The following ZBTB7C variants were observed in gnomAD, a reference collection of about 807,000 sequenced individuals.
ZBTB7C encodes the protein zinc finger and BTB domain-containing protein 7C.
ZBTB7C carries 8 observed loss-of-function variants against 25.7 expected under a neutral mutation model. The ratio of observed to expected loss-of-function variants is 0.31; its 90% CI spans 0.18 to 0.56. The LOEUF is 0.56. ZBTB7C is among the 20% of genes least tolerant of loss of function. ZBTB7C has a pLI of 0.91. For synonymous variants in ZBTB7C, 394 were observed against 369.0 expected, an observed-to-expected ratio of 1.07 and a Z score of -0.78; for missense variants, 824 against 855.2, an observed-to-expected ratio of 0.96 and a Z score of 0.46.
At chr18:48,319,537 A>G (rs913777664) in intron 2 of ZBTB7C, among the ~76,000 whole-genome samples, 5 of 152,252 alleles carry the variant, frequency 3.3e-5, no homozygotes, top group African/African-American at 1.2e-4. Flanking sequence ...AGCATGGCAC[A>G]TGCAATGGTG....
rs79198519 is a variant in ZBTB7C at position 48,125,861 on chromosome 18, G to A, written c.-17+60073C>T. 3.0e-4 allele frequency among the ~76,000 whole-genome samples: 46 copies of A among 152,286 alleles called. 1 individual carries two copies. In the East Asian group the frequency reaches 6.2e-3, roughly 20 times the overall value. ...TGGCTGCACTGAGGTCGCTAGCCAC[G>A]CATTCTAAGAATGCAAGATATCATC... is the stretch of plus-strand genomic sequence containing the variant. On this transcript the variant is annotated intron_variant, in intron 3 of 4. Transcript: ENST00000590800.
chr18:48,230,464 T>C (rs1375122720), intron 2 of ZBTB7C, among the ~76,000 whole-genome samples: 9 of 152,162 alleles, frequency 5.9e-5, no homozygotes, highest in African/African-American at 2.2e-4. Context: ...ATAAAGCCAC[T>C]GAACTAAAAT....
At chr18:48,324,759 C>A (rs1357555634) in intron 2 of ZBTB7C, among the ~76,000 whole-genome samples, 5 of 152,144 alleles carry the variant, frequency 3.3e-5, no homozygotes, top group African/African-American at 1.2e-4. Context: ...CAGAGCAATT[C>A]CTGTGTGCTG....
In ZBTB7C at chr18:48,316,071, C is replaced by A. The variant is rs1435322857; in HGVS notation, c.-79+22103G>T. The stretch of plus-strand genomic sequence containing the variant: ...TCTCCCACCCACTCTCCCACCCAGA[C>A]CCTGCCTCACACCATCAACCACCTG... On this transcript the variant is annotated intron_variant, in intron 2 of 4. Coordinates refer to ENST00000590800, the MANE Select transcript of ZBTB7C (RefSeq NM_001318841.2). Among the ~76,000 whole-genome samples, 4 of 152,314 alleles carry A rather than the reference C, an allele frequency of 2.6e-5. No homozygotes were observed. The East Asian group carries it at 7.7e-4, about 29-fold the overall frequency.
intron 2 of ZBTB7C, among the ~76,000 whole-genome samples, chr18:48,223,074 G>A (rs1357650914): frequency 6.6e-6 from 1 of 152,134 alleles, no homozygotes; most frequent in Non-Finnish European, 1.5e-5. Context: ...TTAACAGCAC[G>A]ATTTCAGCCC....
chr18:48,333,212 G>A (rs2046380771), intron 2 of ZBTB7C, among the ~76,000 whole-genome samples: 2 of 152,168 alleles, frequency 1.3e-5, no homozygotes, highest in Admixed American at 6.5e-5. Context: ...TCAGTCAAGG[G>A]CAATGTAGCT....
intron 1 of ZBTB7C, among the ~76,000 whole-genome samples, chr18:48,359,603 C>T (rs2047056748): frequency 6.6e-6 from 1 of 152,208 alleles, no homozygotes; most frequent in Non-Finnish European, 1.5e-5. Flanking sequence ...CAGAGAAGGC[C>T]TGCCCTGCAA....
chr18:48,225,108 T>C (rs754585491), intron 2 of ZBTB7C, among the ~76,000 whole-genome samples: 3 of 152,196 alleles, frequency 2.0e-5, no homozygotes, highest in Non-Finnish European at 4.4e-5. Flanking sequence ...ATGTCTTTGC[T>C]CTATAAAACA....
At chr18:48,144,519 T>A (rs1011728273) in intron 3 of ZBTB7C, among the ~76,000 whole-genome samples, 1 of 151,886 alleles carries the variant, frequency 6.6e-6, no homozygotes, top group African/African-American at 2.4e-5. Flanking sequence ...AATTTTTGTA[T>A]TTTTTTGGTA....
chr18:48,245,034 G>A (rs907147340), intron 2 of ZBTB7C, among the ~76,000 whole-genome samples: 13 of 147,074 alleles, frequency 8.8e-5, no homozygotes, highest in South Asian at 4.3e-4. Context: ...GCAAAAATAC[G>A]GAACCAACCC....
rs936349762 is a variant in ZBTB7C, at chr18:48,027,237, C to T, written c.*2023G>A. ...TTTTACAATGTACAATTCCAAACTG[C>T]AGCCAAGAAAAAACAGAAAGAACTA... On this transcript the variant is annotated 3_prime_UTR_variant, in exon 5 of 5. Transcript: ENST00000590800. 1 of 151,988 alleles carries T rather than the reference C, an allele frequency of 6.6e-6. No homozygotes were observed. Among genetic ancestry groups the T allele is most frequent in the Non-Finnish European group, 1.5e-5 (1 of 68,008 alleles). 9.4% of individuals were successfully genotyped at this position (151,988 alleles called of 1,614,324 possible).
chr18:48,101,706 C>A (rs925921858), intron 3 of ZBTB7C, among the ~76,000 whole-genome samples: 1 of 152,182 alleles, frequency 6.6e-6, no homozygotes, highest in African/African-American at 2.4e-5. Flanking sequence ...GGTTAAGTAA[C>A]TTGTTTGAAG....
intron 1 of ZBTB7C, among the ~76,000 whole-genome samples, chr18:48,381,210 G>A (rs2047627190): frequency 6.6e-6 from 1 of 152,170 alleles, no homozygotes; most frequent in Non-Finnish European, 1.5e-5. Context: ...GAAAGAAGAG[G>A]CCATAAGATG....
chr18:48,045,616 G>A (rs915886722), intron 3 of ZBTB7C, among the ~76,000 whole-genome samples: 9 of 152,116 alleles, frequency 5.9e-5, no homozygotes, highest in Non-Finnish European at 8.8e-5. Flanking sequence ...AACTGATCTC[G>A]CACTTCCGGG....
At chr18:48,172,940 C>T (rs1256806959) in intron 3 of ZBTB7C, among the ~76,000 whole-genome samples, 1 of 152,178 alleles carries the variant, frequency 6.6e-6, no homozygotes, top group Non-Finnish European at 1.5e-5. Flanking sequence ...GGAACAGCAG[C>T]CTCTGGCACA....
intron 1 of ZBTB7C, among the ~76,000 whole-genome samples, chr18:48,353,850 A>T (rs2145055681): frequency 6.6e-6 from 1 of 152,270 alleles, no homozygotes; most frequent in South Asian, 2.1e-4. Flanking sequence ...CACAGCGTGG[A>T]AGTGGTAGCA....
intron 3 of ZBTB7C, among the ~76,000 whole-genome samples, chr18:48,161,625 C>A (rs1430143223): frequency 6.6e-6 from 1 of 152,104 alleles, no homozygotes; most frequent in Non-Finnish European, 1.5e-5. Flanking sequence ...AGCCGCTCCG[C>A]CCGGCCACAA....
At chr18:48,289,552 C>T (rs1461162278) in intron 2 of ZBTB7C, among the ~76,000 whole-genome samples, 1 of 118,554 alleles carries the variant, frequency 8.4e-6, no homozygotes, top group Non-Finnish European at 1.8e-5. Flanking sequence ...TATATTCATT[C>T]AATATATATT....
At position 48,029,011 on chromosome 18, in the gene ZBTB7C, G is replaced by C; in HGVS notation, c.*249C>G. 1 of 521,814 alleles carries C rather than the reference G, an allele frequency of 1.9e-6. No individual in the cohort carries two copies. The allele number at this position is 521,814 out of a possible 1,614,324, so 32.3% of individuals were successfully genotyped here. A position where few individuals can be genotyped will look rare whatever the true frequency, so the allele number is the denominator to read the frequency against. On this transcript the variant is annotated 3_prime_UTR_variant, in exon 5 of 5. Transcript: ENST00000590800. ...TGGGCCGGTGCAAGTTTCTATATGA[G>C]AGCCAGAGAGACAGGGAGGGAGGCC...
Sources: allele counts gnomAD v4.1 joint callset (sites outside exome capture counted in the v4.1 genomes callset), GRCh38; gene constraint gnomAD v4.1.1; transcripts MANE v1.5; gene names NCBI Gene and HGNC (gene_info 2026-07-23, HGNC 2026-07-21).